Variants in DGKG observed in about 807,000 individuals in gnomAD.
DGKG encodes diacylglycerol kinase gamma.
Under a neutral mutation model 105.3 loss-of-function variants are expected in DGKG, and 78 were observed. The observed-to-expected ratio is 0.74, with a 90% CI of 0.62 to 0.89. The LOEUF (loss-of-function observed/expected upper bound fraction) is 0.89, where lower values mean the gene tolerates loss of function less well. Among genes scored for constraint, DGKG ranks in the 40% least tolerant of loss-of-function variants. The pLI is 0.00. For missense variants in DGKG, 958 were observed against 1,020.1 expected (o/e 0.94, Z 0.83); for synonymous variants, 346 against 367.1 (o/e 0.94, Z 0.66).
chr3:186,281,608 G>A (rs907913565), intron 7 of DGKG, among the ~76,000 whole-genome samples: 1 of 152,028 alleles, frequency 6.6e-6, no homozygotes, highest in Admixed American at 6.6e-5. Flanking sequence ...AACCCAGCAG[G>A]GATTTTAAAA....
chr3:186,253,114 G>A lies in DGKG; in HGVS notation c.1579C>T (p.Arg527Cys), dbSNP rs751696606. Residue 527 changes from arginine to cysteine, a missense_variant, in exon 18 of 25, where the codon CGT becomes TGT. Transcript: ENST00000265022. ...LPLGTGNDLARCLRWGGGYEG... is the reference protein window; with the variant it reads ...LPLGTGNDLACCLRWGGGYEG... ...TCACCTCCTCCCCAGCGGAGACAAC[G>A]GGCAAGGTCATTTCCTGTTCCAAGA... 4.3e-6 allele frequency: 7 copies of A among 1,614,060 alleles called. No homozygotes were observed. The highest frequency in any genetic ancestry group is 1.1e-5 in the South Asian group (1 of 91,090).
At chr3:186,262,122 G>A (rs1170867619) in intron 14 of DGKG, among the ~76,000 whole-genome samples, 1 of 152,118 alleles carries the variant, frequency 6.6e-6, no homozygotes, top group East Asian at 1.9e-4. Flanking sequence ...AGAAAGCACG[G>A]CCGTCTGATC....
intron 24 of DGKG, among the ~76,000 whole-genome samples, chr3:186,151,550 G>A (rs1258310724): frequency 6.6e-6 from 1 of 152,226 alleles, no homozygotes; most frequent in Non-Finnish European, 1.5e-5. Context: ...TGAGCAGGTT[G>A]AGTTCAGGGC....
intron 19 of DGKG, among the ~76,000 whole-genome samples, chr3:186,244,405 A>ATT (rs1170691406): frequency 0.038 from 5,347 of 139,942 alleles, 338 homozygotes; most frequent in African/African-American, 0.14. Flanking sequence ...TTAGCTATTG[A>ATT]TGTTTTTTTT....
chr3:186,286,053 C>G (rs1342026178), intron 6 of DGKG, among the ~76,000 whole-genome samples: 1 of 152,230 alleles, frequency 6.6e-6, no homozygotes, highest in African/African-American at 2.4e-5. Flanking sequence ...TGATGCGGTG[C>G]AACCACTTGG....
At chr3:186,303,017 T>C (rs1026800784) in intron 3 of DGKG, among the ~76,000 whole-genome samples, 5 of 151,888 alleles carry the variant, frequency 3.3e-5, no homozygotes, top group Admixed American at 2.0e-4. Flanking sequence ...AGCAGCAGAG[T>C]GAAACCAGAA....
chr3:186,272,204 A>G (rs1329162570), intron 11 of DGKG, 51 bp downstream of exon 11: 2 of 1,393,526 alleles, frequency 1.4e-6, no homozygotes, highest in Non-Finnish European at 2.0e-6. Flanking sequence ...GTTGATGGAC[A>G]TGTTTCCTGG....
intron 3 of DGKG, 199 bp downstream of exon 3, chr3:186,306,702 T>C: frequency 1.8e-6 from 1 of 570,310 alleles, no homozygotes; most frequent in African/African-American, 1.9e-5. Context: ...AGTGGTAGTC[T>C]TCTAGGACAG....
At chr3:186,343,829 C>T (rs12233455) in intron 1 of DGKG, among the ~76,000 whole-genome samples, 40,638 of 151,930 alleles carry the variant, frequency 0.27, 5,833 homozygotes, top group African/African-American at 0.37. Context: ...TTTGTTTTAG[C>T]TCTTTTTGTC....
rs917127033 is a variant in DGKG, at chr3:186,148,125, A to C, written c.*1965T>G. On this transcript the variant is annotated 3_prime_UTR_variant, in exon 25 of 25. Coordinates refer to ENST00000265022, the MANE Select transcript of DGKG (RefSeq NM_001346.3). ...AGTGGGTCCAAGTTTCCACTGATAA[A>C]TCTCAGAGAGGGATGGAGGCCCAAT... The C allele has an allele frequency of 3.0e-6, 3 of 985,450 alleles. No individual in the cohort carries two copies. Among genetic ancestry groups the C allele is most frequent in the Admixed American group, 6.1e-5 (1 of 16,290 alleles). The allele number at this position is 985,450 out of a possible 1,614,324, so 61.0% of individuals were successfully genotyped here.
chr3:186,313,338 T>C (rs1724651321), intron 2 of DGKG: 2 of 181,342 alleles, frequency 1.1e-5, no homozygotes, highest in South Asian at 1.9e-4. Flanking sequence ...AAAGACTTTA[T>C]ATAGAAGCAG....
Position 186,353,688 on chromosome 3 carries a change from C to CTATATCTATATCTA in DGKG, c.-249+8244_-249+8257dup, listed in dbSNP as rs1280961601. On this transcript the variant is annotated intron_variant, in intron 1 of 24. Transcript: ENST00000265022. ...TCTATATCTATATCTATATCTATATCTATATCTATATCTATATAACAGTGG... is the reference window on the plus strand; with the variant it reads ...TCTATATCTATATCTATATCTATATCTATATCTATATCTATATATCTATATCTATATAACAGTGG... 2.2e-5 allele frequency among the ~76,000 whole-genome samples: 3 copies of CTATATCTATATCTA among 137,106 alleles called. No individual in the cohort carries two copies. The East Asian group carries it at 5.9e-4, about 27-fold the overall frequency. 89.9% of individuals were successfully genotyped at this position (137,106 alleles called of 152,430 possible).
At chr3:186,342,212 C>T (rs963536230) in intron 1 of DGKG, among the ~76,000 whole-genome samples, 1 of 152,106 alleles carries the variant, frequency 6.6e-6, no homozygotes, top group Non-Finnish European at 1.5e-5. Flanking sequence ...ATAGTCTAGA[C>T]AGCAAGAGAT....
intron 1 of DGKG, among the ~76,000 whole-genome samples, chr3:186,325,057 A>G (rs1450171863): frequency 6.6e-6 from 1 of 152,288 alleles, no homozygotes; most frequent in African/African-American, 2.4e-5. Context: ...TGTCCTTTGC[A>G]GCAACATGGA....
chr3:186,177,247 A>C (rs1246933794), intron 22 of DGKG, among the ~76,000 whole-genome samples: 3 of 152,136 alleles, frequency 2.0e-5, no homozygotes, highest in East Asian at 1.9e-4. Context: ...TATTCAAAGG[A>C]TCATGTTCAA....
chr3:186,318,729 T>C (rs887709803), intron 2 of DGKG, among the ~76,000 whole-genome samples: 1 of 152,186 alleles, frequency 6.6e-6, no homozygotes, highest in African/African-American at 2.4e-5. Flanking sequence ...GATGGATCCC[T>C]TCTCCACAGC....
intron 14 of DGKG, among the ~76,000 whole-genome samples, chr3:186,263,589 G>A (rs905327173): frequency 2.0e-5 from 3 of 151,498 alleles, no homozygotes; most frequent in African/African-American, 7.3e-5. Flanking sequence ...AAGCAAGCAA[G>A]CAAGCAAGCA....
intron 2 of DGKG, among the ~76,000 whole-genome samples, chr3:186,319,412 GAC>G (rs1724974155): frequency 6.6e-6 from 1 of 152,202 alleles, no homozygotes; most frequent in African/African-American, 2.4e-5. Flanking sequence ...CTGACTCCTA[GAC>G]CAGCGCTGGG....
At chr3:186,151,375 C>T (rs991038421) in intron 24 of DGKG, among the ~76,000 whole-genome samples, 4 of 152,150 alleles carry the variant, frequency 2.6e-5, no homozygotes, top group Non-Finnish European at 5.9e-5. Context: ...GAACACAGAA[C>T]CATCAACGAG....
Sources: allele counts gnomAD v4.1 joint callset (sites outside exome capture counted in the v4.1 genomes callset), GRCh38; gene constraint gnomAD v4.1.1; transcripts MANE v1.5; gene names NCBI Gene and HGNC (gene_info 2026-07-23, HGNC 2026-07-21).